Variants in GPC4 observed in about 807,000 individuals in gnomAD.
GPC4 encodes the protein glypican-4.
In GPC4, 10 loss-of-function variants were observed where a neutral mutation model predicts 35.0. The ratio of observed to expected loss-of-function variants is 0.29; its 90% CI spans 0.18 to 0.48. The LOEUF is 0.48. GPC4 is among the 20% of genes least tolerant of loss of function. The pLI is 0.99. For synonymous variants in GPC4, 167 were observed against 170.2 expected (o/e 0.98, Z 0.15); for missense variants, 322 against 451.3 (o/e 0.71, Z 2.60).
chrX:133,303,095 A>T (rs2068274320), intron 8 of GPC4, 26 bp from the exon 9 acceptor site: 1 of 1,206,335 alleles, frequency 8.3e-7, no homozygotes, highest in African/African-American at 1.7e-5. Flanking sequence ...ATGGAATAGA[A>T]ATTTCATTCC....
intron 1 of GPC4, among the ~76,000 whole-genome samples, chrX:133,350,433 AG>A (rs1484378830): frequency 9.0e-6 from 1 of 110,803 alleles, no homozygotes; most frequent in Non-Finnish European, 1.9e-5. Context: ...CTGAGGTGGG[AG>A]AATCGCCTGA....
chrX:133,366,631 T>C (rs1353053733), intron 1 of GPC4, among the ~76,000 whole-genome samples: 2 of 111,062 alleles, frequency 1.8e-5, no homozygotes, highest in Admixed American at 1.9e-4. Context: ...TAGAAGTAAG[T>C]GATATTCGAA....
intron 2 of GPC4, among the ~76,000 whole-genome samples, chrX:133,328,599 G>A (rs1213957141): frequency 9.0e-6 from 1 of 110,899 alleles, no homozygotes; most frequent in Non-Finnish European, 1.9e-5. Flanking sequence ...TTCAGTAATC[G>A]CTGCAATGTT....
chrX:133,392,652 T>C (rs1603094146), intron 1 of GPC4, among the ~76,000 whole-genome samples: 1 of 86,193 alleles, frequency 1.2e-5, no homozygotes, highest in East Asian at 3.7e-4. Flanking sequence ...GCAAACTCCT[T>C]TTCAAAAACA....
At chrX:133,412,094 A>G (rs1261739166) in intron 1 of GPC4, among the ~76,000 whole-genome samples, 1 of 111,884 alleles carries the variant, frequency 8.9e-6, no homozygotes, top group Non-Finnish European at 1.9e-5. Flanking sequence ...CACCTGGAAA[A>G]TGATCCTGGG....
intron 3 of GPC4, among the ~76,000 whole-genome samples, chrX:133,313,825 C>T (rs986529964): frequency 1.9e-4 from 21 of 112,310 alleles, no homozygotes; most frequent in African/African-American, 6.8e-4. Flanking sequence ...GTTTCCCTGC[C>T]AGATGACAGG....
chrX:133,403,218 G>T (rs5975401), intron 1 of GPC4, among the ~76,000 whole-genome samples: 45,731 of 110,897 alleles, frequency 0.41, 7,785 homozygotes, highest in African/African-American at 0.64. Flanking sequence ...GGTTATCTTA[G>T]CCTGTTTGGG....
chrX:133,306,230 A>T, intron 4 of GPC4, 76 bp from the exon 5 acceptor site: 6 of 1,090,133 alleles, frequency 5.5e-6, no homozygotes, highest in Non-Finnish European at 7.5e-6. Flanking sequence ...AATCAATCTG[A>T]TTTTTTTTTC....
Position 133,339,173 on chromosome X carries a change from A to T in GPC4, c.319+10T>A, listed in dbSNP as rs2068455982. 1 of 1,210,645 alleles carries T rather than the reference A, an allele frequency of 8.3e-7. No individual in the cohort carries two copies. The highest frequency in any genetic ancestry group is 1.1e-6 in the Non-Finnish European group (1 of 894,800). The stretch of plus-strand genomic sequence containing the variant: ...ACTGCCGGTTCTTACATATGACTTG[A>T]ATAACATACCATCAAACTTCTTGTA... On this transcript the variant is annotated intron_variant, in intron 2 of 8. Transcript: ENST00000370828.
chrX:133,414,501 G>C, intron 1 of GPC4: 1 of 754,291 alleles, frequency 1.3e-6, no homozygotes, highest in South Asian at 6.7e-5. Flanking sequence ...CCGGGACGGC[G>C]AATAATGCAG....
rs754378751 is a variant in GPC4 at position 133,313,974 on chromosome X, C to T, written c.712-2551G>A. Among the ~76,000 whole-genome samples the T allele has an allele frequency of 9.8e-5, 11 of 111,776 alleles. No individual in the cohort carries two copies. In the East Asian group the frequency reaches 1.1e-3, roughly 12 times the overall value. ...TGAAATGAAAAATCACTGAATAGCA[C>T]GTGGCATTTGTTGAATATTATGCTT... is the stretch of plus-strand genomic sequence containing the variant. On this transcript the variant is annotated intron_variant, in intron 3 of 8. Coordinates refer to ENST00000370828, the MANE Select transcript of GPC4 (RefSeq NM_001448.3).
chrX:133,312,591 T>TGTGTG (rs1365182751), intron 3 of GPC4, among the ~76,000 whole-genome samples: 1 of 107,025 alleles, frequency 9.3e-6, no homozygotes, highest in Non-Finnish European at 1.9e-5. Flanking sequence ...ATCTCACCAC[T>TGTGTG]ACACTCCAGC....
chrX:133,368,383 T>C (rs1280170509), intron 1 of GPC4, among the ~76,000 whole-genome samples: 1 of 111,443 alleles, frequency 9.0e-6, no homozygotes, highest in African/African-American at 3.3e-5. Context: ...CTGCAGCACA[T>C]TTCCCAGGAC....
Position 133,311,307 on chromosome X carries a change from G to C in GPC4, c.828C>G (p.Gly276=). ...CYNYCSNIMR[G]CLANQGDLDF... is the part of the protein sequence containing the mutation. ...CGAGATCCCCTTGGTTGGCCAAACAGCCTCTCATGATGTTTGAGCAGTAGT... is the reference window on the plus strand; with the variant it reads ...CGAGATCCCCTTGGTTGGCCAAACACCCTCTCATGATGTTTGAGCAGTAGT... Residue 276 remains glycine, a synonymous_variant, in exon 4 of 9, where the codon GGC becomes GGG. Coordinates refer to ENST00000370828, the MANE Select transcript of GPC4 (RefSeq NM_001448.3). 8.3e-7 allele frequency: 1 copy of C among 1,211,352 alleles called. No homozygotes were observed. Among genetic ancestry groups the C allele is most frequent in the South Asian group, 1.8e-5 (1 of 56,967 alleles).
chrX:133,374,207 C>T (rs1490449605), intron 1 of GPC4, among the ~76,000 whole-genome samples: 1 of 111,370 alleles, frequency 9.0e-6, no homozygotes, highest in Admixed American at 9.6e-5. Context: ...TGAGAAAACC[C>T]ATAGCCACCA....
At chrX:133,409,845 AG>A (rs771155826) in intron 1 of GPC4, among the ~76,000 whole-genome samples, 2 of 111,516 alleles carry the variant, frequency 1.8e-5, no homozygotes, top group East Asian at 5.7e-4. Flanking sequence ...GGGATTTAGG[AG>A]GGGGGGACAG....
intron 3 of GPC4, among the ~76,000 whole-genome samples, chrX:133,314,020 T>C (rs771181289): frequency 3.6e-5 from 4 of 112,161 alleles, no homozygotes; most frequent in Non-Finnish European, 7.5e-5. Context: ...AATGCCCTCG[T>C]AAGAAGAAAC....
intron 1 of GPC4, among the ~76,000 whole-genome samples, chrX:133,410,097 C>T (rs1387395444): frequency 8.9e-6 from 1 of 111,890 alleles, no homozygotes; most frequent in East Asian, 2.8e-4. Context: ...CTGGGTTTGA[C>T]ATTTTGTCTA....
rs1276529435 is a variant in GPC4 at position 133,302,894 on chromosome X, G to A, written c.1644C>T (p.Phe548=). Residue 548 remains phenylalanine, a synonymous_variant, in exon 9 of 9, where the codon TTC becomes TTT. Transcript: ENST00000370828. ...AYLLTVFCIL[F]LVMQREWR is the part of the protein sequence containing the mutation. ...ATCTCCACTCTCTCTGCATAACCAGGAACAAGATGCAGAAGACAGTGAGGA... is the reference window on the plus strand; with the variant it reads ...ATCTCCACTCTCTCTGCATAACCAGAAACAAGATGCAGAAGACAGTGAGGA... 1.7e-6 allele frequency: 2 copies of A among 1,209,420 alleles called. No homozygotes were observed. Among genetic ancestry groups the A allele is most frequent in the African/African-American group, 3.5e-5 (2 of 57,138 alleles).
Sources: allele counts gnomAD v4.1 joint callset (sites outside exome capture counted in the v4.1 genomes callset), GRCh38; gene constraint gnomAD v4.1.1; transcripts MANE v1.5; gene names NCBI Gene and HGNC (gene_info 2026-07-23, HGNC 2026-07-21).